ST8SIA6: variants seen among roughly 807,000 people sequenced by gnomAD.
ST8SIA6 encodes the protein ST8 alpha-N-acetyl-neuraminide alpha-2,8-sialyltransferase 6.
Under a neutral mutation model 33.6 loss-of-function variants are expected in ST8SIA6, and 39 were observed. The observed-to-expected ratio is 1.16, with a 90% CI of 0.90 to 1.52. ST8SIA6 has a LOEUF of 1.52. Among genes scored for constraint, ST8SIA6 ranks in the 40% most tolerant of loss-of-function variants. The pLI is 0.00. For missense variants in ST8SIA6, 441 were observed against 443.8 expected (o/e 0.99, Z 0.06); for synonymous variants, 172 against 167.2 (o/e 1.03, Z -0.22).
rs537759862 is a variant in ST8SIA6 at position 17,418,714 on chromosome 10, T to G, written c.201-28094A>C. ...TTACAGTAATTTAAGTCAAGCTAGCTGGGCGCGATGGCTCATGCCTGTAAT... is the reference window on the plus strand; with the variant it reads ...TTACAGTAATTTAAGTCAAGCTAGCGGGGCGCGATGGCTCATGCCTGTAAT... On this transcript the variant is annotated intron_variant, in intron 2 of 7. Coordinates refer to ENST00000377602, the MANE Select transcript of ST8SIA6 (RefSeq NM_001004470.3). 8.5e-4 allele frequency among the ~76,000 whole-genome samples: 130 copies of G among 152,104 alleles called. 1 individual carries two copies. The highest frequency in any genetic ancestry group is 3.0e-3 in the African/African-American group (126 of 41,540).
intron 2 of ST8SIA6, among the ~76,000 whole-genome samples, chr10:17,433,938 G>T (rs568122092): frequency 6.6e-6 from 1 of 152,216 alleles, no homozygotes; most frequent in Middle Eastern, 3.4e-3. Flanking sequence ...AACCCATCTT[G>T]TTCTTATATC....
chr10:17,446,308 C>G (rs1852704433), intron 2 of ST8SIA6, among the ~76,000 whole-genome samples: 1 of 152,100 alleles, frequency 6.6e-6, no homozygotes, highest in Admixed American at 6.6e-5. Flanking sequence ...AGAGAAAAAT[C>G]ATACTTTTGA....
At chr10:17,370,828 C>T (rs1849709608) in intron 3 of ST8SIA6, among the ~76,000 whole-genome samples, 1 of 152,184 alleles carries the variant, frequency 6.6e-6, no homozygotes, top group Non-Finnish European at 1.5e-5. Context: ...ACTGGAAGAA[C>T]TTTGTCCTTT....
chr10:17,382,659 C>T (rs1178300404), intron 3 of ST8SIA6, among the ~76,000 whole-genome samples: 1 of 152,140 alleles, frequency 6.6e-6, no homozygotes, highest in African/African-American at 2.4e-5. Flanking sequence ...AAATCTTAAA[C>T]ACTGATAGCA....
intron 2 of ST8SIA6, among the ~76,000 whole-genome samples, chr10:17,422,176 GA>G (rs1306987810): frequency 1.3e-5 from 2 of 152,024 alleles, no homozygotes; most frequent in African/African-American, 2.4e-5. Context: ...CGCTAAAAGA[GA>G]AAAAAACTGA....
chr10:17,437,145 C>T (rs1852292721), intron 2 of ST8SIA6, among the ~76,000 whole-genome samples: 2 of 152,078 alleles, frequency 1.3e-5, no homozygotes. Flanking sequence ...ATTTCTCTCT[C>T]TCTCTCTCTC....
intron 4 of ST8SIA6, among the ~76,000 whole-genome samples, chr10:17,339,432 A>T (rs1436562284): frequency 6.6e-6 from 1 of 152,226 alleles, no homozygotes; most frequent in Non-Finnish European, 1.5e-5. Context: ...CCTTTCCAGA[A>T]TTCATTCTCC....
intron 2 of ST8SIA6, among the ~76,000 whole-genome samples, chr10:17,450,583 G>A (rs1463458307): frequency 4.6e-5 from 7 of 152,082 alleles, no homozygotes; most frequent in Admixed American, 2.0e-4. Flanking sequence ...TGGGACTACA[G>A]GTGCACACAC....
chr10:17,321,130 A>G lies in ST8SIA6; in HGVS notation c.945T>C (p.Gly315=). ...CGGTGGACAAGCGGTATGCAGTCACACCTTTAGTTCTCCAGAAAAGGGCCA... is the reference window on the plus strand; with the variant it reads ...CGGTGGACAAGCGGTATGCAGTCACGCCTTTAGTTCTCCAGAAAAGGGCCA... The part of the protein sequence containing the change: ...KDLALFWRTK[G]VTAYRLSTGL... Residue 315 remains glycine (G), a synonymous_variant, in exon 8 of 8, where the codon GGT becomes GGC. Coordinates refer to ENST00000377602, the MANE Select transcript of ST8SIA6 (RefSeq NM_001004470.3). 1 of 1,614,132 alleles carries G rather than the reference A, an allele frequency of 6.2e-7. No individual in the cohort carries two copies. Among genetic ancestry groups the G allele is most frequent in the Non-Finnish European group, 8.5e-7 (1 of 1,179,988 alleles).
At chr10:17,438,882 G>A (rs904641791) in intron 2 of ST8SIA6, among the ~76,000 whole-genome samples, 3 of 152,194 alleles carry the variant, frequency 2.0e-5, no homozygotes, top group African/African-American at 7.2e-5. Flanking sequence ...ATATTGCACA[G>A]ACCTTGTTAG....
intron 2 of ST8SIA6, among the ~76,000 whole-genome samples, chr10:17,413,666 AGC>A (rs370328797): frequency 6.6e-6 from 1 of 152,342 alleles, no homozygotes; most frequent in African/African-American, 2.4e-5. Flanking sequence ...GCTAAAAATA[AGC>A]AGAATAAACA....
At chr10:17,333,684 T>TAG in intron 4 of ST8SIA6, among the ~76,000 whole-genome samples, 1 of 16,200 alleles carries the variant, frequency 6.2e-5, no homozygotes, top group Non-Finnish European at 1.1e-4. Context: ...TATATATATA[T>TAG]ATATATATAT....
intron 3 of ST8SIA6, among the ~76,000 whole-genome samples, chr10:17,374,764 T>TATATATATATATATATATATATGCACAC (rs1441288579): frequency 7.9e-6 from 1 of 126,846 alleles, no homozygotes; most frequent in African/African-American, 3.0e-5. Context: ...TATATATATA[T>TATATATATATATATATATATATGCACAC]ATATTTAGCT....
intron 4 of ST8SIA6, among the ~76,000 whole-genome samples, chr10:17,337,892 T>C (rs1848555542): frequency 6.6e-6 from 1 of 152,214 alleles, no homozygotes; most frequent in Non-Finnish European, 1.5e-5. Flanking sequence ...TTGTCTATAA[T>C]GCAAGGTTTC....
At chr10:17,389,717 C>T (rs2131661052) in intron 3 of ST8SIA6, among the ~76,000 whole-genome samples, 1 of 152,200 alleles carries the variant, frequency 6.6e-6, no homozygotes, top group South Asian at 2.1e-4. Context: ...CAATTTTGTA[C>T]AAGTGTGTAT....
chr10:17,402,646 CCAT>C (rs1415187124), intron 2 of ST8SIA6, among the ~76,000 whole-genome samples: 8 of 152,100 alleles, frequency 5.3e-5, no homozygotes, highest in Non-Finnish European at 1.2e-4. Context: ...AAGCTGGAAA[CCAT>C]CATTCTCAGC....
chr10:17,347,953 C>CAAAAAAAAAAAAAAAAAAAAA (rs55996465), intron 4 of ST8SIA6, among the ~76,000 whole-genome samples: 10 of 68,634 alleles, frequency 1.5e-4, no homozygotes, highest in African/African-American at 2.7e-4. Flanking sequence ...GACTCTGTCT[C>CAAAAAAAAAAAAAAAAAAAAA]AAAAAAAAAA....
chr10:17,322,207 GAA>G (rs1308626066), intron 7 of ST8SIA6, among the ~76,000 whole-genome samples: 13 of 138,996 alleles, frequency 9.4e-5, no homozygotes, highest in African/African-American at 3.0e-4. Flanking sequence ...AGAAAGGAAA[GAA>G]AGAGAAAGAA....
In ST8SIA6 at chr10:17,333,674, T is replaced by TAGATATATATATATAG. The variant is rs1430829549; in HGVS notation, c.378-2123_378-2122insCTATATATATATATCT. 4.8e-3 allele frequency among the ~76,000 whole-genome samples: 117 copies of TAGATATATATATATAG among 24,258 alleles called. 8 individuals are homozygous for TAGATATATATATATAG. The South Asian group carries it at 0.062, about 13-fold the overall frequency. The allele number at this position is 24,258 out of a possible 152,430, so 15.9% of individuals were successfully genotyped here. ...CCCTACTTAATAAATGGTGCTGGGA[T>TAGATATATATATATAG]ATATATATATATATATATATATATA... On this transcript the variant is annotated intron_variant, in intron 4 of 7. Transcript: ENST00000377602.
Sources: allele counts gnomAD v4.1 joint callset (sites outside exome capture counted in the v4.1 genomes callset), GRCh38; gene constraint gnomAD v4.1.1; transcripts MANE v1.5; gene names NCBI Gene and HGNC (gene_info 2026-07-23, HGNC 2026-07-21).